ZNF76: variants seen among roughly 807,000 people sequenced by gnomAD.
ZNF76 encodes zinc finger protein 76.
Under a neutral mutation model 66.9 loss-of-function variants are expected in ZNF76, and 66 were observed. The observed-to-expected ratio is 0.99, with a 90% confidence interval of 0.81 to 1.21. The LOEUF is 1.21. Ranked by LOEUF, ZNF76 falls within the 50% of genes most tolerant of loss-of-function variation. The probability of loss-of-function intolerance (pLI) is 0.00; values close to 1 mark genes in which losing one functional copy is unlikely to be tolerated. For synonymous variants in ZNF76, 275 were observed against 296.1 expected, an observed-to-expected ratio of 0.93 and a Z score of 0.73; for missense variants, 729 against 760.3, an observed-to-expected ratio of 0.96 and a Z score of 0.48.
intron 1 of ZNF76, among the ~76,000 whole-genome samples, chr6:35,272,193 G>A (rs1021596817): frequency 7.9e-5 from 12 of 151,362 alleles, no homozygotes; most frequent in Non-Finnish European, 1.0e-4. Flanking sequence ...GTTAATCTCA[G>A]CACTTTGGGA....
intron 1 of ZNF76, 37 bp from the exon 2 acceptor site, chr6:35,281,019 T>C: frequency 2.3e-6 from 2 of 851,736 alleles, no homozygotes; most frequent in Admixed American, 1.9e-5. Flanking sequence ...AGGAGAAAGC[T>C]GGTTAACTCA....
intron 1 of ZNF76, among the ~76,000 whole-genome samples, chr6:35,269,005 G>T (rs1178122348): frequency 6.6e-6 from 1 of 152,076 alleles, no homozygotes; most frequent in African/African-American, 2.4e-5. Flanking sequence ...GGCCAGCCGG[G>T]TGTGGTGGCT....
At chr6:35,294,185 A>T in intron 12 of ZNF76, 5 of 583,440 alleles carry the variant, frequency 8.6e-6, no homozygotes, top group Non-Finnish European at 1.5e-5. Flanking sequence ...ACTTCTGTCC[A>T]TTTTCAAGTG....
intron 2 of ZNF76, among the ~76,000 whole-genome samples, chr6:35,284,690 C>T (rs548373350): frequency 5.9e-4 from 90 of 151,762 alleles, no homozygotes; most frequent in Non-Finnish European, 1.2e-3. Context: ...TGTAAGCCAC[C>T]GTGCCCAGCC....
At chr6:35,276,798 T>G (rs957288233) in intron 1 of ZNF76, among the ~76,000 whole-genome samples, 3 of 145,474 alleles carry the variant, frequency 2.1e-5, no homozygotes, top group Non-Finnish European at 4.5e-5. Flanking sequence ...TGGGTTTTTT[T>G]TTTTTTTTTT....
intron 13 of ZNF76, 132 bp from the exon 14 acceptor site, chr6:35,295,012 C>T: frequency 3.1e-6 from 2 of 651,770 alleles, no homozygotes; most frequent in Non-Finnish European, 5.4e-6. Flanking sequence ...TGGAGCCCTA[C>T]TAAGTGCTCA....
At position 35,293,089 on chromosome 6, in the gene ZNF76, CCACT is replaced by C. The variant is rs763059915; in HGVS notation, c.1329+47_1329+50del. The C allele has an allele frequency of 4.4e-6, 7 of 1,596,022 alleles. No homozygotes were observed. The African/African-American group carries it at 9.4e-5, about 21-fold the overall frequency. On this transcript the variant is annotated intron_variant, in intron 11 of 13. Coordinates refer to ENST00000373953, the MANE Select transcript of ZNF76 (RefSeq NM_003427.5). ...GAGGTGCCATACTAGCTGGCACTCT[CCACT>C]CTCTCTGGGGACTCTGGGAGCCCTG...
Position 35,291,721 on chromosome 6 carries a change from C to T in ZNF76, c.915C>T (p.His305=), listed in dbSNP as rs761122854. The T allele has an allele frequency of 9.3e-6, 15 of 1,609,482 alleles. No individual in the cohort carries two copies. The highest frequency in any genetic ancestry group is 3.3e-5 in the South Asian group (3 of 91,092). ...CCAGCGCCACCAACTATAAGAATCACGTGCGCATCCACACAGGTGGGCTAG... is the reference window on the plus strand; with the variant it reads ...CCAGCGCCACCAACTATAAGAATCATGTGCGCATCCACACAGGTGGGCTAG... ...GFTSATNYKN[H]VRIHTGEKPY... Residue 305 remains histidine, a synonymous_variant, in exon 9 of 14, where the codon CAC becomes CAT. Transcript: ENST00000373953.
intron 7 of ZNF76, 62 bp downstream of exon 7, chr6:35,290,778 T>C: frequency 6.6e-7 from 1 of 1,513,512 alleles, no homozygotes; most frequent in Non-Finnish European, 9.2e-7. Context: ...GTTTGGGACC[T>C]CTCTGAAGGG....
chr6:35,283,756 C>A (rs140544299), intron 2 of ZNF76, among the ~76,000 whole-genome samples: 3 of 152,252 alleles, frequency 2.0e-5, no homozygotes, highest in Admixed American at 1.3e-4. Flanking sequence ...GTACTGATGC[C>A]CTTGCCAGGA....
At chr6:35,290,982 G>T in intron 7 of ZNF76, 1 of 594,230 alleles carries the variant, frequency 1.7e-6, no homozygotes, top group East Asian at 2.8e-5. Flanking sequence ...GTGGATTATT[G>T]GGTGGGCCAT....
At position 35,281,099 on chromosome 6, in the gene ZNF76, T is replaced by G; in HGVS notation, c.-53T>G. The G allele has an allele frequency of 3.8e-6, 6 of 1,568,002 alleles. No individual in the cohort carries two copies. The highest frequency in any genetic ancestry group is 5.3e-6 in the Non-Finnish European group (6 of 1,138,184). ...AATCTCTGACCTCAGCTGTGGCTCT[T>G]GGTGCTGGCCAGAAGCCAACTTCAT... is the stretch of plus-strand genomic sequence containing the variant. On this transcript the variant is annotated 5_prime_UTR_variant, in exon 2 of 14. Coordinates refer to ENST00000373953, the MANE Select transcript of ZNF76 (RefSeq NM_003427.5).
At chr6:35,288,364 C>T (rs2150370204) in intron 5 of ZNF76, 6 of 353,212 alleles carry the variant, frequency 1.7e-5, no homozygotes, top group South Asian at 1.1e-4. Context: ...GAGGCCCACA[C>T]AGTAGCTCAG....
chr6:35,295,158 G>C lies in ZNF76; in HGVS notation c.1623G>C (p.Gln541His). Reference sequence around the variant, plus strand: ...CTTCCCCACAGCTGGAGGAACAGCAGACCTTAGAGGAGGCCATCAATGTGG... The same window carrying C: ...CTTCCCCACAGCTGGAGGAACAGCACACCTTAGAGGAGGCCATCAATGTGG... ...THIAVQLEEQ[Q>H]TLEEAINVAT... The change falls in exon 14 of 14, where the codon CAG becomes CAC. Residue 541 changes from glutamine to histidine, a missense_variant. Transcript: ENST00000373953. 1 of 1,612,198 alleles carries C rather than the reference G, an allele frequency of 6.2e-7. No homozygotes were observed. Among genetic ancestry groups the C allele is most frequent in the Non-Finnish European group, 8.5e-7 (1 of 1,179,154 alleles).
intron 1 of ZNF76, 39 bp from the exon 2 acceptor site, chr6:35,281,017 G>T (rs1788698855): frequency 3.6e-6 from 3 of 840,552 alleles, no homozygotes; most frequent in Non-Finnish European, 4.0e-6. Context: ...ATAGGAGAAA[G>T]CTGGTTAACT....
chr6:35,280,296 G>C (rs1788567737), intron 1 of ZNF76, among the ~76,000 whole-genome samples: 1 of 152,154 alleles, frequency 6.6e-6, no homozygotes, highest in South Asian at 2.1e-4. Flanking sequence ...AGGAGTTCGA[G>C]GTTACAGTGA....
At chr6:35,293,999 C>A in intron 12 of ZNF76, 84 bp downstream of exon 12, 3 of 1,490,278 alleles carry the variant, frequency 2.0e-6, no homozygotes, top group South Asian at 2.6e-5. Context: ...CTAAACTAGT[C>A]AAGTCTTCTT....
At chr6:35,268,551 C>G (rs1272630303) in intron 1 of ZNF76, among the ~76,000 whole-genome samples, 2 of 152,104 alleles carry the variant, frequency 1.3e-5, no homozygotes, top group Non-Finnish European at 2.9e-5. Context: ...CACCTGTAAT[C>G]CGCACTTTGG....
intron 11 of ZNF76, among the ~76,000 whole-genome samples, chr6:35,293,373 G>C (rs1790721267): frequency 1.3e-5 from 2 of 152,156 alleles, no homozygotes; most frequent in African/African-American, 2.4e-5. Context: ...AACATGGTAT[G>C]GGGTCTGAAA....
Sources: allele counts gnomAD v4.1 joint callset (sites outside exome capture counted in the v4.1 genomes callset), GRCh38; gene constraint gnomAD v4.1.1; transcripts MANE v1.5; gene names NCBI Gene and HGNC (gene_info 2026-07-23, HGNC 2026-07-21).